SLC9A3: variants seen among roughly 807,000 people sequenced by gnomAD.
The protein encoded by SLC9A3 is sodium/hydrogen exchanger 3.
In SLC9A3, 37 loss-of-function variants were observed where a neutral mutation model predicts 86.8. The observed-to-expected ratio is 0.43, with a 90% CI of 0.33 to 0.56. The LOEUF (loss-of-function observed/expected upper bound fraction) is 0.56, where lower values mean the gene tolerates loss of function less well. SLC9A3 is among the 20% of genes least tolerant of loss of function. The pLI is 0.06. For missense variants in SLC9A3, 1,011 were observed against 1,171.9 expected (o/e 0.86, Z 2.00); for synonymous variants, 581 against 528.3 (o/e 1.10, Z -1.37).
intron 3 of SLC9A3, 68 bp from the exon 4 acceptor site, chr5:485,299 C>T: frequency 7.6e-7 from 1 of 1,314,960 alleles, no homozygotes; most frequent in Non-Finnish European, 1.1e-6. Context: ...GGGGCCCGGG[C>T]CTCGCTGGAC....
chr5:502,579 G>T (rs115586636), intron 1 of SLC9A3, among the ~76,000 whole-genome samples: 5,794 of 152,342 alleles, frequency 0.038, 147 homozygotes, highest in Non-Finnish European at 0.059. Flanking sequence ...AGAGGAGAAC[G>T]CAAGATGGTC....
Position 472,571 on chromosome 5 carries a change from A to C in SLC9A3, c.*808T>G. ...CCGTGTCCGGGGCCGCCACCCTGAG[A>C]CCGGGCGCGGGCAGGACGGAACCTG... On this transcript the variant is annotated 3_prime_UTR_variant, in exon 17 of 17. Transcript: ENST00000264938. The C allele has an allele frequency of 2.8e-6, 1 of 355,492 alleles. No individual in the cohort carries two copies. 22.0% of individuals were successfully genotyped at this position (355,492 alleles called of 1,614,324 possible). A position where few individuals can be genotyped will look rare whatever the true frequency, so the allele number is the denominator to read the frequency against.
intron 6 of SLC9A3, 121 bp from the exon 7 acceptor site, chr5:482,871 G>C (rs918404442): frequency 2.6e-6 from 2 of 758,526 alleles, no homozygotes; most frequent in South Asian, 1.8e-5. Flanking sequence ...CGGCACCCTA[G>C]ATACGGCGTC....
chr5:476,745 A>T, intron 11 of SLC9A3, 73 bp from the exon 12 acceptor site: 5 of 1,554,688 alleles, frequency 3.2e-6, no homozygotes, highest in Non-Finnish European at 4.4e-6. Context: ...TCGCCTTCCC[A>T]CGGCGGGCAT....
At chr5:474,128 A>AGAGC (rs1224842962) in intron 16 of SLC9A3, among the ~76,000 whole-genome samples, 5 of 151,200 alleles carry the variant, frequency 3.3e-5, no homozygotes, top group Non-Finnish European at 7.4e-5. Context: ...GGGAGGAGAG[A>AGAGC]GAGCGAGCGC....
chr5:486,099 A>G (rs1166340260), intron 3 of SLC9A3, among the ~76,000 whole-genome samples: 1 of 152,040 alleles, frequency 6.6e-6, no homozygotes, highest in East Asian at 1.9e-4. Context: ...CCTCTTTCCA[A>G]AACCCCTAAG....
At chr5:520,356 G>A (rs963976590) in intron 1 of SLC9A3, among the ~76,000 whole-genome samples, 2 of 152,254 alleles carry the variant, frequency 1.3e-5, no homozygotes, top group East Asian at 1.9e-4. Flanking sequence ...GGGTCCTGTC[G>A]CTCATGTGTG....
intron 9 of SLC9A3, chr5:480,189 C>T: frequency 2.0e-6 from 1 of 499,878 alleles, no homozygotes; most frequent in South Asian, 2.2e-5. Flanking sequence ...CTGCATGCCG[C>T]CTCCTCCAGA....
chr5:472,101 C>G lies in SLC9A3; in HGVS notation c.*1278G>C, dbSNP rs1738390387. On this transcript the variant is annotated 3_prime_UTR_variant, in exon 17 of 17. Transcript: ENST00000264938. The stretch of plus-strand genomic sequence containing the variant: ...GTGGGTTGGACCCTGTGGGACTTGC[C>G]GTCTGAGGGATGGATGGACTCCGAG... 1 of 422,272 alleles carries G rather than the reference C, an allele frequency of 2.4e-6. No individual in the cohort carries two copies. The highest frequency in any genetic ancestry group is 4.8e-6 in the Non-Finnish European group (1 of 209,452). 26.2% of individuals were successfully genotyped at this position (422,272 alleles called of 1,614,324 possible).
intron 1 of SLC9A3, among the ~76,000 whole-genome samples, chr5:492,355 T>C (rs547491248): frequency 1.2e-3 from 66 of 55,058 alleles, no homozygotes; most frequent in East Asian, 3.7e-3. Context: ...GGGGAGCCCA[T>C]GGGGGAGGGG....
At chr5:480,258 TG>T (rs148209369) in intron 9 of SLC9A3, 5 of 332,968 alleles carry the variant, frequency 1.5e-5, no homozygotes, top group Non-Finnish European at 2.8e-5. Flanking sequence ...TTTGGCCACA[TG>T]GGGGGCACCT....
Position 524,324 on chromosome 5 carries a change from G to T in SLC9A3, c.-2C>A. 1 of 1,246,238 alleles carries T rather than the reference G, an allele frequency of 8.0e-7. No homozygotes were observed. Among genetic ancestry groups the T allele is most frequent in the Non-Finnish European group, 1.0e-6 (1 of 985,742 alleles). The allele number at this position is 1,246,238 out of a possible 1,614,324, so 77.2% of individuals were successfully genotyped here. A position where few individuals can be genotyped will look rare whatever the true frequency, so the allele number is the denominator to read the frequency against. On this transcript the variant is annotated 5_prime_UTR_variant, in exon 1 of 17. Transcript: ENST00000264938. ...GCCCCGGGCCCCGAGTCCCCACATTGCCGCCTGCTCAGCGCAGGGCTGGGA... is the reference window on the plus strand; with the variant it reads ...GCCCCGGGCCCCGAGTCCCCACATTTCCGCCTGCTCAGCGCAGGGCTGGGA...
chr5:477,539 C>A (rs1738830608), intron 10 of SLC9A3, 95 bp from the exon 11 acceptor site: 3 of 818,938 alleles, frequency 3.7e-6, no homozygotes, highest in Non-Finnish European at 3.8e-6. Context: ...GAGCTCGGGG[C>A]CCGGGGAAAG....
intron 1 of SLC9A3, among the ~76,000 whole-genome samples, chr5:500,351 C>T (rs865858239): frequency 1.4e-4 from 22 of 152,332 alleles, no homozygotes; most frequent in Middle Eastern, 3.4e-3. Flanking sequence ...GGTGCACACA[C>T]GGCATGCGAC....
Position 506,398 on chromosome 5 carries a change from G to T in SLC9A3, c.212-14327C>A, listed in dbSNP as rs1382873961. Among the ~76,000 whole-genome samples the T allele has an allele frequency of 2.0e-5, 3 of 152,296 alleles. No individual in the cohort carries two copies. The East Asian group carries it at 5.8e-4, about 29-fold the overall frequency. On this transcript the variant is annotated intron_variant, in intron 1 of 16. Transcript: ENST00000264938. ...CAGCCCGCACAGGGCGCATTCTCAC[G>T]CGAGGTGTGCCCCGTGTCTCCATCA... is the stretch of plus-strand genomic sequence containing the variant.
At chr5:483,629 G>A (rs537392452) in intron 5 of SLC9A3, 147 bp from the exon 6 acceptor site, 53 of 658,214 alleles carry the variant, frequency 8.1e-5, no homozygotes, top group Non-Finnish European at 1.3e-4. Flanking sequence ...GAGCCAGGCT[G>A]GGCCGCCAGG....
chr5:501,180 G>T (rs1740261738), intron 1 of SLC9A3, among the ~76,000 whole-genome samples: 1 of 152,170 alleles, frequency 6.6e-6, no homozygotes, highest in African/African-American at 2.4e-5. Flanking sequence ...TTCCGGATGG[G>T]CGCCGGAAAG....
intron 1 of SLC9A3, 50 bp downstream of exon 1, chr5:524,062 A>T (rs1442754193): frequency 7.7e-7 from 1 of 1,297,000 alleles, no homozygotes; most frequent in Non-Finnish European, 1.0e-6. Flanking sequence ...GGCCCAGCAG[A>T]GGCGGCCGCA....
Position 490,143 on chromosome 5 carries a change from C to T in SLC9A3, c.514+1626G>A, listed in dbSNP as rs185451824. Among the ~76,000 whole-genome samples, 112 of 79,256 alleles carry T rather than the reference C, an allele frequency of 1.4e-3. 1 individual carries two copies. Among genetic ancestry groups the T allele is most frequent in the South Asian group, 9.8e-4 (3 of 3,050 alleles). 52.0% of individuals were successfully genotyped at this position (79,256 alleles called of 152,430 possible). A position where few individuals can be genotyped will look rare whatever the true frequency, so the allele number is the denominator to read the frequency against. On this transcript the variant is annotated intron_variant, in intron 2 of 16. Coordinates refer to ENST00000264938, the MANE Select transcript of SLC9A3 (RefSeq NM_004174.4). Reference sequence around the variant, plus strand: ...CTGCCGGCCATGGGCATCTCTGTTCCAGAACCTCAGGCAGCACCCAGCTTT... The same window carrying T: ...CTGCCGGCCATGGGCATCTCTGTTCTAGAACCTCAGGCAGCACCCAGCTTT...
Sources: gnomAD v4.1 joint callset for allele counts (sites outside exome capture counted in the v4.1 genomes callset) on GRCh38, gnomAD v4.1.1 for gene constraint, MANE v1.5 for transcripts, NCBI Gene and HGNC (gene_info 2026-07-23, HGNC 2026-07-21) for gene names.